Variants in CAMK4 observed in about 807,000 individuals in gnomAD.
CAMK4 encodes the protein calcium/calmodulin-dependent protein kinase type IV.
Under a neutral mutation model 44.9 loss-of-function variants are expected in CAMK4, and 22 were observed. The observed-to-expected ratio is 0.49, with a 90% CI of 0.35 to 0.70. The LOEUF (loss-of-function observed/expected upper bound fraction) is 0.70. Among genes scored for constraint, CAMK4 ranks in the 30% least tolerant of loss-of-function variants. CAMK4 has a pLI of 0.01. For synonymous variants in CAMK4, 218 were observed against 215.4 expected (o/e 1.01, Z -0.11); for missense variants, 498 against 586.8 (o/e 0.85, Z 1.56).
intron 9 of CAMK4, among the ~76,000 whole-genome samples, chr5:111,480,567 A>C (rs1207794326): frequency 6.6e-6 from 1 of 152,164 alleles, no homozygotes; most frequent in African/African-American, 2.4e-5. Context: ...TTATTGGATG[A>C]AACAATGGAT....
chr5:111,417,004 G>T (rs1752838451), intron 5 of CAMK4, among the ~76,000 whole-genome samples: 1 of 152,060 alleles, frequency 6.6e-6, no homozygotes, highest in South Asian at 2.1e-4. Context: ...TGTGTAATTG[G>T]AACTATTTTG....
intron 2 of CAMK4, among the ~76,000 whole-genome samples, chr5:111,358,538 T>TA (rs1320488274): frequency 6.6e-6 from 1 of 151,924 alleles, no homozygotes; most frequent in Non-Finnish European, 1.5e-5. Context: ...AACCTACCAA[T>TA]CTGTCACTGG....
intron 1 of CAMK4, among the ~76,000 whole-genome samples, chr5:111,329,674 A>G (rs72780357): frequency 0.013 from 1,934 of 151,980 alleles, 32 homozygotes; most frequent in South Asian, 0.026. Flanking sequence ...TGAGCTTAAC[A>G]TTAGCTGCTT....
rs758236044 is a variant in CAMK4, at chr5:111,492,187, C to CT, written c.*7724dup. 37 of 152,016 alleles carry CT rather than the reference C, an allele frequency of 2.4e-4. No individual in the cohort carries two copies. The highest frequency in any genetic ancestry group is 4.7e-4 in the Non-Finnish European group (32 of 68,002). 9.4% of individuals were successfully genotyped at this position (152,016 alleles called of 1,614,324 possible). A position where few individuals can be genotyped will look rare whatever the true frequency, so the allele number is the denominator to read the frequency against. On this transcript the variant is annotated 3_prime_UTR_variant, in exon 11 of 11. Coordinates refer to ENST00000282356, the MANE Select transcript of CAMK4 (RefSeq NM_001744.6). ...GGAGAAAAACATAGGCATTCATGAC[C>CT]TTTGTGTTTCCGTTTGACTTTCAAC...
intron 4 of CAMK4, among the ~76,000 whole-genome samples, chr5:111,383,962 A>G (rs1412572447): frequency 6.6e-6 from 1 of 152,230 alleles, no homozygotes; most frequent in Non-Finnish European, 1.5e-5. Context: ...GAAAATATAT[A>G]GACAGAAGCA....
intron 5 of CAMK4, among the ~76,000 whole-genome samples, chr5:111,398,645 A>G (rs1238165194): frequency 1.3e-5 from 2 of 152,066 alleles, no homozygotes; most frequent in Non-Finnish European, 2.9e-5. Flanking sequence ...TCTATTACCA[A>G]ATTTAGTCAC....
At position 111,395,211 on chromosome 5, in the gene CAMK4, CA is replaced by C. The variant is rs1175802762; in HGVS notation, c.459+445del. 4.9e-3 allele frequency among the ~76,000 whole-genome samples: 446 copies of C among 90,636 alleles called. 3 individuals carry two copies. The highest frequency in any genetic ancestry group is 0.015 in the African/African-American group (414 of 27,066). 59.5% of individuals were successfully genotyped at this position (90,636 alleles called of 152,430 possible). A position where few individuals can be genotyped will look rare whatever the true frequency, so the allele number is the denominator to read the frequency against. On this transcript the variant is annotated intron_variant, in intron 5 of 10. Coordinates refer to ENST00000282356, the MANE Select transcript of CAMK4 (RefSeq NM_001744.6). ...GACGAGAGAGAGAGAGACCCTGTCT[CA>C]AAAAAAAAAAAAAAAGAAAAAAAAA...
At chr5:111,407,103 C>T (rs1752462140) in intron 5 of CAMK4, among the ~76,000 whole-genome samples, 1 of 152,152 alleles carries the variant, frequency 6.6e-6, no homozygotes, top group South Asian at 2.1e-4. Flanking sequence ...CCTGTAATCC[C>T]AGCACTTTGG....
At chr5:111,363,896 A>G (rs546422067) in intron 2 of CAMK4, among the ~76,000 whole-genome samples, 2 of 152,224 alleles carry the variant, frequency 1.3e-5, no homozygotes, top group South Asian at 2.1e-4. Flanking sequence ...ACATGATCTG[A>G]TTTACATTTT....
intron 1 of CAMK4, among the ~76,000 whole-genome samples, chr5:111,328,583 T>A (rs1749007928): frequency 6.6e-6 from 1 of 152,120 alleles, no homozygotes; most frequent in African/African-American, 2.4e-5. Context: ...TGGCATTGAA[T>A]CTATAAAATA....
At chr5:111,267,514 A>C (rs887434151) in intron 1 of CAMK4, among the ~76,000 whole-genome samples, 2 of 151,924 alleles carry the variant, frequency 1.3e-5, no homozygotes, top group Non-Finnish European at 2.9e-5. Flanking sequence ...CAGGAGATCG[A>C]GACCACGGTG....
intron 2 of CAMK4, among the ~76,000 whole-genome samples, chr5:111,369,934 G>C (rs1307835969): frequency 6.6e-6 from 1 of 151,880 alleles, no homozygotes; most frequent in African/African-American, 2.4e-5. Flanking sequence ...TCCATCCATG[G>C]TTAGTTGAAT....
chr5:111,459,042 A>AAT (rs148611681), intron 7 of CAMK4, among the ~76,000 whole-genome samples: 1,828 of 152,248 alleles, frequency 0.012, 32 homozygotes, highest in African/African-American at 0.042. Flanking sequence ...GGCAGAAGGG[A>AAT]ATATATGGTC....
At chr5:111,356,517 A>G (rs1159712588) in intron 2 of CAMK4, among the ~76,000 whole-genome samples, 2 of 152,186 alleles carry the variant, frequency 1.3e-5, no homozygotes, top group African/African-American at 4.8e-5. Context: ...ATTAGATCCC[A>G]TTTGTCAATT....
intron 8 of CAMK4, 117 bp downstream of exon 8, chr5:111,473,503 G>C (rs2112488019): frequency 1.5e-6 from 1 of 663,656 alleles, no homozygotes; most frequent in Non-Finnish European, 2.6e-6. Context: ...GTGATTTTCT[G>C]TTACATACTA....
intron 1 of CAMK4, among the ~76,000 whole-genome samples, chr5:111,230,886 T>C (rs1265289737): frequency 1.3e-5 from 2 of 152,070 alleles, no homozygotes; most frequent in African/African-American, 2.4e-5. Context: ...AAACAGAATA[T>C]TGATTTTGTA....
intron 5 of CAMK4, among the ~76,000 whole-genome samples, chr5:111,412,498 C>A (rs1010566326): frequency 6.6e-6 from 1 of 152,158 alleles, no homozygotes; most frequent in South Asian, 2.1e-4. Flanking sequence ...CAAAATCAAA[C>A]CAGCCTCAGT....
At chr5:111,454,647 CA>C (rs66917170) in intron 7 of CAMK4, among the ~76,000 whole-genome samples, 56 of 114,560 alleles carry the variant, frequency 4.9e-4, no homozygotes, top group East Asian at 1.8e-3. Flanking sequence ...GTCACACAGA[CA>C]AAAAAAAAAA....
intron 7 of CAMK4, among the ~76,000 whole-genome samples, chr5:111,455,647 A>C (rs373795941): frequency 6.6e-6 from 1 of 152,230 alleles, no homozygotes; most frequent in African/African-American, 2.4e-5. Context: ...ATCTACCCTA[A>C]GGCGTGGTAG....
Sources: allele counts gnomAD v4.1 joint callset (sites outside exome capture counted in the v4.1 genomes callset), GRCh38; gene constraint gnomAD v4.1.1; transcripts MANE v1.5; gene names NCBI Gene and HGNC (gene_info 2026-07-23, HGNC 2026-07-21).